Variants in ARK2N observed in about 807,000 individuals in gnomAD.
ARK2N encodes the protein protein ARK2N.
At chr18:46,227,267 T>G in the ARK2N span, among the ~76,000 whole-genome samples, 10 of 152,312 alleles carry the variant, frequency 6.6e-5, no homozygotes, top group African/African-American at 2.4e-4. Flanking sequence ...GAGTCGTATA[T>G]AAACAATCAA....
chr18:46,199,069 A>T, the ARK2N span, among the ~76,000 whole-genome samples: 1 of 152,204 alleles, frequency 6.6e-6, no homozygotes, highest in African/African-American at 2.4e-5. Context: ...ATTACAGCAA[A>T]TGAGCACGCA....
the ARK2N span, among the ~76,000 whole-genome samples, chr18:46,192,577 A>AT: frequency 0.02 from 2,883 of 142,512 alleles, 65 homozygotes; most frequent in East Asian, 0.13. Context: ...CTCCATCTCA[A>AT]TTTTTTTTTT....
chr18:46,176,589 A>AG, the ARK2N span, among the ~76,000 whole-genome samples: 21 of 151,848 alleles, frequency 1.4e-4, no homozygotes, highest in Non-Finnish European at 2.4e-4. Context: ...GAAGTAGCTG[A>AG]GACCACAGGC....
the ARK2N span, among the ~76,000 whole-genome samples, chr18:46,231,242 GAA>G: frequency 2.6e-5 from 4 of 152,216 alleles, no homozygotes; most frequent in African/African-American, 9.6e-5. Context: ...GGCTCCAAGG[GAA>G]AGTGTTATCT....
the ARK2N span, chr18:46,174,170 C>G: frequency 2.0e-5 from 3 of 152,562 alleles, no homozygotes; most frequent in South Asian, 6.2e-4. Flanking sequence ...CCGCGACCCA[C>G]TGCTCGCTGC....
chr18:46,204,005 G>A, the ARK2N span, among the ~76,000 whole-genome samples: 5 of 152,212 alleles, frequency 3.3e-5, no homozygotes, highest in East Asian at 1.9e-4. Flanking sequence ...GAGTTTTTAC[G>A]GGGAGGGAAG....
chr18:46,186,557 T>A, the ARK2N span, among the ~76,000 whole-genome samples: 2 of 139,014 alleles, frequency 1.4e-5, no homozygotes, highest in Non-Finnish European at 3.0e-5. Flanking sequence ...CAGGCTGGAG[T>A]GCAGTGGCGG....
At chr18:46,216,531 G>A in the ARK2N span, 66 of 1,614,142 alleles carry the variant, frequency 4.1e-5, no homozygotes, top group East Asian at 9.1e-4. This position sits in a 1 kb window ranked among gnomAD's most constrained non-coding sequence, Gnocchi z 4.3. Context: ...ACTCAAGCAC[G>A]AGCTCATCAG....
the ARK2N span, among the ~76,000 whole-genome samples, chr18:46,253,986 T>G: frequency 6.6e-6 from 1 of 152,248 alleles, no homozygotes; most frequent in Admixed American, 6.5e-5. Context: ...TGTTTAGACA[T>G]GATATGAGCC....
At chr18:46,198,344 T>G in the ARK2N span, among the ~76,000 whole-genome samples, 2 of 148,276 alleles carry the variant, frequency 1.3e-5, no homozygotes, top group African/African-American at 5.0e-5. Context: ...GAAGCTTGAC[T>G]CTTTTTTAAA....
the ARK2N span, among the ~76,000 whole-genome samples, chr18:46,200,523 G>T: frequency 6.6e-6 from 1 of 152,052 alleles, no homozygotes; most frequent in Non-Finnish European, 1.5e-5. Context: ...GGCCAGGCTG[G>T]GCTCAAACTC....
chr18:46,242,920 T>C, the ARK2N span, among the ~76,000 whole-genome samples: 2 of 152,198 alleles, frequency 1.3e-5, no homozygotes, highest in African/African-American at 4.8e-5. Context: ...TTTTGGTATA[T>C]GTATATGATA....
At chr18:46,260,045 G>T in the ARK2N span, among the ~76,000 whole-genome samples, 2 of 151,792 alleles carry the variant, frequency 1.3e-5, no homozygotes, top group Non-Finnish European at 2.9e-5. Flanking sequence ...TGATAGTTTT[G>T]CCTGTTTTTG....
At chr18:46,208,541 C>T in the ARK2N span, among the ~76,000 whole-genome samples, 1 of 139,054 alleles carries the variant, frequency 7.2e-6, no homozygotes, top group African/African-American at 2.7e-5. Flanking sequence ...GTGATCTCGG[C>T]TCACTGCAGC....
chr18:46,206,069 T>C, the ARK2N span, among the ~76,000 whole-genome samples: 6 of 151,608 alleles, frequency 4.0e-5, no homozygotes, highest in Non-Finnish European at 7.4e-5. Flanking sequence ...CAAATCCAAG[T>C]TGATTATTTC....
chr18:46,230,187 AG>A, the ARK2N span, among the ~76,000 whole-genome samples: 5 of 152,128 alleles, frequency 3.3e-5, no homozygotes, highest in Admixed American at 6.6e-5. Context: ...AGCCTCCCAA[AG>A]TGCTGGGATT....
chr18:46,236,215 G>A, the ARK2N span, among the ~76,000 whole-genome samples: 3 of 152,090 alleles, frequency 2.0e-5, no homozygotes, highest in Non-Finnish European at 2.9e-5. Context: ...GTTTTGCTGT[G>A]TTGCCCAGGC....
At chr18:46,193,929 C>T in the ARK2N span, among the ~76,000 whole-genome samples, 2 of 152,044 alleles carry the variant, frequency 1.3e-5, no homozygotes, top group South Asian at 4.1e-4. Context: ...GATATTTACA[C>T]ACCTTTAAAT....
chr18:46,246,941 CAA>C, the ARK2N span, among the ~76,000 whole-genome samples: 2,440 of 84,350 alleles, frequency 0.029, 62 homozygotes, highest in African/African-American at 0.091. Flanking sequence ...AACTCCATTT[CAA>C]AAAAAAAAAA....
Sources: gnomAD v4.1 joint callset for allele counts (sites outside exome capture counted in the v4.1 genomes callset) on GRCh38, gnomAD v4.1.1 for gene constraint, Gnocchi (gnomAD v3.1) non-coding constraint, MANE v1.5 for transcripts, NCBI Gene and HGNC (gene_info 2026-07-23, HGNC 2026-07-21) for gene names.